Variants in KIF13B observed in about 807,000 individuals in gnomAD.
The protein encoded by KIF13B is kinesin family member 13B.
Under a neutral mutation model 222.0 loss-of-function variants are expected in KIF13B, and 127 were observed. That is an observed-to-expected ratio of 0.57 (90% CI 0.50 to 0.66). The LOEUF is 0.66. Among genes scored for constraint, KIF13B ranks in the 30% least tolerant of loss-of-function variants. The probability of loss-of-function intolerance (pLI) is 0.00; values close to 1 mark genes in which losing one functional copy is unlikely to be tolerated. For missense variants in KIF13B, 2,173 were observed against 2,379.0 expected (o/e 0.91, Z 1.80); for synonymous variants, 976 against 919.0 (o/e 1.06, Z -1.12).
chr8:29,170,180 T>C (rs1812176811), intron 10 of KIF13B, among the ~76,000 whole-genome samples: 1 of 152,262 alleles, frequency 6.6e-6, no homozygotes, highest in African/African-American at 2.4e-5. Flanking sequence ...AGATGAGGTT[T>C]GTTTCAAAGG....
intron 2 of KIF13B, among the ~76,000 whole-genome samples, chr8:29,225,884 A>C (rs1033343184): frequency 6.6e-6 from 1 of 152,216 alleles, no homozygotes; most frequent in Non-Finnish European, 1.5e-5. Flanking sequence ...GATAGCAGCA[A>C]AGGAAACACT....
At position 29,181,713 on chromosome 8, in the gene KIF13B, T is replaced by A. The variant is rs535743979; in HGVS notation, c.585+206A>T. ...TTTAGATTCACTAAGTCTGATAACT[T>A]TTCATTTAAAAGCCTCATCCTATTT... On this transcript the variant is annotated intron_variant, in intron 7 of 39. Coordinates refer to ENST00000524189, the MANE Select transcript of KIF13B (RefSeq NM_015254.4). Among the ~76,000 whole-genome samples the A allele has an allele frequency of 3.0e-4, 45 of 152,388 alleles. No individual in the cohort carries two copies. The Middle Eastern group carries it at 0.02, about 69-fold the overall frequency.
intron 1 of KIF13B, among the ~76,000 whole-genome samples, chr8:29,247,478 G>A (rs893070788): frequency 6.6e-6 from 1 of 152,136 alleles, no homozygotes; most frequent in African/African-American, 2.4e-5. Flanking sequence ...TGCAAATCAT[G>A]TATCTAATAA....
In KIF13B at chr8:29,147,408, G is replaced by C. The variant is rs1470472689; in HGVS notation, c.2008C>G (p.Gln670Glu). The C allele has an allele frequency of 1.2e-6, 2 of 1,606,300 alleles. No homozygotes were observed. The highest frequency in any genetic ancestry group is 1.7e-6 in the Non-Finnish European group (2 of 1,176,556). Residue 670 changes from glutamine to glutamate, a missense_variant, in exon 17 of 40, where the codon CAG (glutamine) becomes GAG (glutamate). Physicochemically the swap from Gln to Glu is conservative, Grantham distance 29. Coordinates refer to ENST00000524189, the MANE Select transcript of KIF13B (RefSeq NM_015254.4). ...GCCGCCTACCTCTCCTCAGCCCACTGTCTTAAGCGTTGCTGAGCGCTGGGC... is the reference window on the plus strand; with the variant it reads ...GCCGCCTACCTCTCCTCAGCCCACTCTCTTAAGCGTTGCTGAGCGCTGGGC... ...HSPSAQQRLR[Q>E]WAEEREATLN...
At chr8:29,223,314 T>G (rs1260516002) in intron 2 of KIF13B, among the ~76,000 whole-genome samples, 1 of 125,792 alleles carries the variant, frequency 7.9e-6, no homozygotes, top group African/African-American at 2.9e-5. Context: ...CCAGCCTGAG[T>G]GAGAGAGACC....
chr8:29,123,374 T>C lies in KIF13B; in HGVS notation c.3471A>G (p.Pro1157=). ...CACCACAGGGTTCATACCATTCTGC[T>C]GGGGCCCCTGGAATACCACTGCCAG... is the stretch of plus-strand genomic sequence containing the variant. The part of the protein sequence containing the change: ...PSAGSGIPGA[P]AEWTPVPGME... Residue 1157 remains proline (P), a synonymous_variant, in exon 28 of 40, where the codon CCA becomes CCG. Transcript: ENST00000524189. 1.9e-6 allele frequency: 3 copies of C among 1,613,908 alleles called. No homozygotes were observed. Among genetic ancestry groups the C allele is most frequent in the Non-Finnish European group, 2.5e-6 (3 of 1,179,906 alleles).
intron 2 of KIF13B, among the ~76,000 whole-genome samples, chr8:29,225,999 T>A (rs1815003767): frequency 6.6e-6 from 1 of 152,198 alleles, no homozygotes; most frequent in Non-Finnish European, 1.5e-5. Flanking sequence ...GTAACTAGGG[T>A]CTGTAGCTCT....
At chr8:29,216,980 T>C (rs555378872) in intron 2 of KIF13B, among the ~76,000 whole-genome samples, 25 of 152,228 alleles carry the variant, frequency 1.6e-4, no homozygotes, top group Admixed American at 2.0e-4. Flanking sequence ...AAAAACTTTG[T>C]CTTAAGTGCA....
At chr8:29,146,154 G>C in intron 18 of KIF13B, 1 of 605,706 alleles carries the variant, frequency 1.7e-6, no homozygotes, top group Non-Finnish European at 2.9e-6. Context: ...TGAACTGTCA[G>C]GGCCAGGTGA....
At chr8:29,178,012 TA>T (rs1300524194) in intron 8 of KIF13B, among the ~76,000 whole-genome samples, 1 of 152,206 alleles carries the variant, frequency 6.6e-6, no homozygotes, top group East Asian at 1.9e-4. Context: ...TTTGTGCTGC[TA>T]TAACACACTG....
At chr8:29,111,843 G>C (rs973252601) in intron 32 of KIF13B, among the ~76,000 whole-genome samples, 1 of 152,220 alleles carries the variant, frequency 6.6e-6, no homozygotes, top group African/African-American at 2.4e-5. Flanking sequence ...AGAGTAAACA[G>C]TAAGTCTCTA....
chr8:29,172,333 C>T (rs1019997446), intron 10 of KIF13B, among the ~76,000 whole-genome samples: 5 of 152,128 alleles, frequency 3.3e-5, no homozygotes, highest in Admixed American at 2.6e-4. Context: ...CCGCCTGCCT[C>T]GGCCTCCCAG....
At chr8:29,109,006 T>C (rs1353776174) in intron 34 of KIF13B, among the ~76,000 whole-genome samples, 2 of 152,222 alleles carry the variant, frequency 1.3e-5, no homozygotes, top group Non-Finnish European at 2.9e-5. Flanking sequence ...AACAACCCCA[T>C]GTATCTGACG....
At chr8:29,136,868 T>C (rs957840093) in intron 21 of KIF13B, among the ~76,000 whole-genome samples, 10 of 150,388 alleles carry the variant, frequency 6.6e-5, no homozygotes, top group Non-Finnish European at 1.5e-4. Flanking sequence ...GGTTCGATCT[T>C]GGCTCACTGC....
intron 6 of KIF13B, among the ~76,000 whole-genome samples, chr8:29,182,783 G>A (rs1245554820): frequency 6.6e-6 from 1 of 152,002 alleles, no homozygotes; most frequent in Non-Finnish European, 1.5e-5. Flanking sequence ...CTGTTAGGAG[G>A]AGTAAGTTCT....
At chr8:29,184,588 C>A (rs1318180566) in intron 6 of KIF13B, among the ~76,000 whole-genome samples, 1 of 152,168 alleles carries the variant, frequency 6.6e-6, no homozygotes, top group Non-Finnish European at 1.5e-5. Context: ...AAATCCGAAG[C>A]TCTTCAGAAT....
rs78338217 is a variant in KIF13B at position 29,224,562 on chromosome 8, T to C, written c.149+20784A>G. On this transcript the variant is annotated intron_variant, in intron 2 of 39. Transcript: ENST00000524189. Reference sequence around the variant, plus strand: ...AAAGTCACAGGTACTGCTAATACTATAATTCATTACCTATGTTAATAATTG... The same window carrying C: ...AAAGTCACAGGTACTGCTAATACTACAATTCATTACCTATGTTAATAATTG... 8.1e-3 allele frequency among the ~76,000 whole-genome samples: 1,237 copies of C among 152,342 alleles called. 8 individuals carry two copies. The highest frequency in any genetic ancestry group is 0.028 in the African/African-American group (1,159 of 41,584).
chr8:29,081,389 A>G (rs1200202490), intron 37 of KIF13B, among the ~76,000 whole-genome samples: 3 of 152,210 alleles, frequency 2.0e-5, no homozygotes, highest in African/African-American at 4.8e-5. Context: ...TTTTATTTTA[A>G]TTAATAAAGC....
chr8:29,197,357 A>AAAAAAAAAAAAC (rs1813485138), intron 2 of KIF13B, among the ~76,000 whole-genome samples: 1 of 149,628 alleles, frequency 6.7e-6, no homozygotes, highest in Admixed American at 6.6e-5. Context: ...AAAAAAAAAA[A>AAAAAAAAAAAAC]AAAACTCAAT....
Sources: allele counts gnomAD v4.1 joint callset (sites outside exome capture counted in the v4.1 genomes callset), GRCh38; gene constraint gnomAD v4.1.1; transcripts MANE v1.5; gene names NCBI Gene and HGNC (gene_info 2026-07-23, HGNC 2026-07-21).